The following KIAA1217 variants were observed in gnomAD, a reference collection of about 807,000 sequenced individuals.
KIAA1217 encodes KIAA1217.
In KIAA1217, 88 loss-of-function variants were observed where a neutral mutation model predicts 163.9. The ratio of observed to expected loss-of-function variants is 0.54; its 90% CI spans 0.45 to 0.64. The LOEUF (loss-of-function observed/expected upper bound fraction) is 0.64, where lower values mean the gene tolerates loss of function less well. KIAA1217 is among the 30% of genes least tolerant of loss of function. KIAA1217 has a pLI of 0.00. For missense variants in KIAA1217, 2,372 were observed against 2,475.0 expected, an observed-to-expected ratio of 0.96 and a Z score of 0.88; for synonymous variants, 903 against 923.1, an observed-to-expected ratio of 0.98 and a Z score of 0.39.
At chr10:23,717,906 A>G (rs939983888) in intron 1 of KIAA1217, among the ~76,000 whole-genome samples, 4 of 152,206 alleles carry the variant, frequency 2.6e-5, no homozygotes, top group Non-Finnish European at 5.9e-5. Context: ...CATAGCAATG[A>G]TCATAAAACA....
intron 2 of KIAA1217, among the ~76,000 whole-genome samples, chr10:24,016,127 G>A (rs909886662): frequency 1.3e-5 from 2 of 152,080 alleles, no homozygotes; most frequent in African/African-American, 2.4e-5. Flanking sequence ...CTCCTCTGAA[G>A]CTCCCCTGGT....
At chr10:24,065,151 G>A (rs1175552452) in intron 2 of KIAA1217, among the ~76,000 whole-genome samples, 10 of 152,098 alleles carry the variant, frequency 6.6e-5, no homozygotes, top group East Asian at 1.9e-4. Flanking sequence ...CTTCAGTTCC[G>A]CTCTGATCTT....
intron 2 of KIAA1217, among the ~76,000 whole-genome samples, chr10:24,141,316 G>A (rs2064069910): frequency 7.0e-6 from 1 of 143,072 alleles, no homozygotes; most frequent in Non-Finnish European, 1.5e-5. Context: ...AAGGAACTGT[G>A]ATTCTAAGAA....
chr10:24,111,439 G>A (rs543796212), intron 2 of KIAA1217, among the ~76,000 whole-genome samples: 1 of 152,118 alleles, frequency 6.6e-6, no homozygotes, highest in African/African-American at 2.4e-5. Flanking sequence ...GCTATATTTT[G>A]TAGTGTCATT....
At chr10:24,106,795 T>G (rs2062647034) in intron 2 of KIAA1217, among the ~76,000 whole-genome samples, 1 of 152,202 alleles carries the variant, frequency 6.6e-6, no homozygotes, top group South Asian at 2.1e-4. Flanking sequence ...ACCAGATGCC[T>G]GTCCTTTGGA....
chr10:24,098,745 G>T (rs2062266570), intron 2 of KIAA1217, among the ~76,000 whole-genome samples: 1 of 151,760 alleles, frequency 6.6e-6, no homozygotes, highest in Non-Finnish European at 1.5e-5. Context: ...GTGTGTGTGT[G>T]TGTGTGTGTG....
intron 2 of KIAA1217, among the ~76,000 whole-genome samples, chr10:24,075,182 C>T (rs1402062876): frequency 6.6e-6 from 1 of 151,264 alleles, no homozygotes; most frequent in African/African-American, 2.4e-5. Flanking sequence ...CTCACATGCT[C>T]ACTACAGCCT....
chr10:23,763,513 A>C lies in KIAA1217; in HGVS notation c.-321+68279A>C, dbSNP rs115019118. On this transcript the variant is annotated intron_variant, in intron 1 of 18. Transcript: ENST00000376462. Reference sequence around the variant, plus strand: ...ACCCCACAAAAACAAGCATGGGGGAAGGTAAATGGTGCTGAGAAAACTAGC... The same window carrying C: ...ACCCCACAAAAACAAGCATGGGGGACGGTAAATGGTGCTGAGAAAACTAGC... Among the ~76,000 whole-genome samples, 1,156 of 152,042 alleles carry C rather than the reference A, an allele frequency of 7.6e-3. 21 individuals carry two copies. The highest frequency in any genetic ancestry group is 0.027 in the African/African-American group (1,112 of 41,548).
intron 6 of KIAA1217, chr10:24,481,096 G>A (rs542633316): frequency 6.6e-6 from 1 of 152,122 alleles, no homozygotes; most frequent in Non-Finnish European, 1.5e-5. Flanking sequence ...GCTTTTTCAT[G>A]TAGCTGTAAT....
At chr10:24,295,666 T>A (rs1423711112) in intron 2 of KIAA1217, among the ~76,000 whole-genome samples, 1 of 152,158 alleles carries the variant, frequency 6.6e-6, no homozygotes, top group African/African-American at 2.4e-5. Context: ...AGGCATTCCC[T>A]CCTGGTGGAA....
In KIAA1217 at chr10:23,919,888, C is replaced by G. The variant is rs187945451; in HGVS notation, c.-320-87337C>G. On this transcript the variant is annotated intron_variant, in intron 1 of 18. Transcript: ENST00000376462. ...CCTTGGCCACCTAGTTCCTTCCTTC[C>G]TGACCTTCTCCAGGACACAGTACTT... 7.4e-4 allele frequency among the ~76,000 whole-genome samples: 112 copies of G among 152,260 alleles called. 1 individual carries two copies. The highest frequency in any genetic ancestry group is 2.6e-3 in the African/African-American group (107 of 41,560).
chr10:24,454,088 C>T (rs554531320), intron 5 of KIAA1217, among the ~76,000 whole-genome samples: 60 of 151,922 alleles, frequency 3.9e-4, no homozygotes, highest in African/African-American at 1.2e-3. Flanking sequence ...AAAAGAAAAA[C>T]GAAAAAAAAC....
intron 2 of KIAA1217, among the ~76,000 whole-genome samples, chr10:24,301,690 T>C (rs998769776): frequency 6.6e-6 from 1 of 151,228 alleles, no homozygotes; most frequent in African/African-American, 2.5e-5. Flanking sequence ...ATTTACTTAT[T>C]TTTTTTTAAA....
At chr10:24,009,443 C>A (rs1339465497) in intron 2 of KIAA1217, among the ~76,000 whole-genome samples, 1 of 151,628 alleles carries the variant, frequency 6.6e-6, no homozygotes, top group Non-Finnish European at 1.5e-5. Context: ...AACTAGTTTG[C>A]TAGAATATAA....
At chr10:23,824,652 A>ATATATATATAT (rs1491317629) in intron 1 of KIAA1217, among the ~76,000 whole-genome samples, 6 of 10,540 alleles carry the variant, frequency 5.7e-4, no homozygotes, top group African/African-American at 1.0e-3. Context: ...AAAAAAAAAT[A>ATATATATATAT]AAAAAAATAT....
chr10:23,931,130 A>G (rs756195959), intron 1 of KIAA1217, among the ~76,000 whole-genome samples: 5 of 152,144 alleles, frequency 3.3e-5, no homozygotes. Flanking sequence ...CTTACTTATA[A>G]CAACAACTAG....
At chr10:24,085,499 T>C (rs749063763) in intron 2 of KIAA1217, among the ~76,000 whole-genome samples, 2 of 152,068 alleles carry the variant, frequency 1.3e-5, no homozygotes, top group Admixed American at 6.6e-5. Context: ...AAGGGTAAGA[T>C]TTCTAGCCCA....
intron 2 of KIAA1217, among the ~76,000 whole-genome samples, chr10:24,272,689 C>A (rs1349652912): frequency 1.3e-5 from 2 of 152,218 alleles, no homozygotes; most frequent in Non-Finnish European, 2.9e-5. Context: ...TTCTTTACTT[C>A]TTTCAAGGTG....
chr10:24,510,381 G>T (rs1330653856), intron 9 of KIAA1217, among the ~76,000 whole-genome samples: 1 of 152,148 alleles, frequency 6.6e-6, no homozygotes, highest in Non-Finnish European at 1.5e-5. Flanking sequence ...ATTTGGGCAG[G>T]AGGGTTAGGT....
Sources: gnomAD v4.1 joint callset for allele counts (sites outside exome capture counted in the v4.1 genomes callset) on GRCh38, gnomAD v4.1.1 for gene constraint, MANE v1.5 for transcripts, NCBI Gene and HGNC (gene_info 2026-07-23, HGNC 2026-07-21) for gene names.